COL25A1: variants seen among roughly 807,000 people sequenced by gnomAD.
COL25A1 encodes the protein collagen type XXV alpha 1 chain.
COL25A1 carries 103 observed loss-of-function variants against 128.4 expected under a neutral mutation model. The ratio of observed to expected loss-of-function variants is 0.80; its 90% confidence interval spans 0.68 to 0.94. COL25A1 has a LOEUF of 0.94. Among genes scored for constraint, COL25A1 ranks in the 40% least tolerant of loss-of-function variants. The pLI is 0.00. For synonymous variants in COL25A1, 279 were observed against 277.2 expected, an observed-to-expected ratio of 1.01 and a Z score of -0.06; for missense variants, 745 against 840.0, an observed-to-expected ratio of 0.89 and a Z score of 1.40.
At chr4:109,114,662 C>A (rs1767353787) in intron 3 of COL25A1, among the ~76,000 whole-genome samples, 1 of 152,014 alleles carries the variant, frequency 6.6e-6, no homozygotes, top group Non-Finnish European at 1.5e-5. Context: ...CCAAGAATAT[C>A]AACGTGACAT....
In COL25A1 at chr4:109,246,016, C is replaced by CAAAAAAA. The variant is rs772260651; in HGVS notation, c.367+54560_367+54566dup. Among the ~76,000 whole-genome samples, 579 of 65,400 alleles carry CAAAAAAA rather than the reference C, an allele frequency of 8.9e-3. 5 individuals carry two copies. The highest frequency in any genetic ancestry group is 0.027 in the African/African-American group (531 of 19,862). 42.9% of individuals were successfully genotyped at this position (65,400 alleles called of 152,430 possible). ...CTCTAGTTGCTTTTTTGTTAAAAAGCAAAAAAAAAAAAAAAAAAAATTTAA... is the reference window on the plus strand; with the variant it reads ...CTCTAGTTGCTTTTTTGTTAAAAAGCAAAAAAAAAAAAAAAAAAAAAAAAAAATTTAA... On this transcript the variant is annotated intron_variant, in intron 3 of 37. Transcript: ENST00000399132.
chr4:109,120,973 C>T (rs1318712937), intron 3 of COL25A1, among the ~76,000 whole-genome samples: 3 of 152,074 alleles, frequency 2.0e-5, no homozygotes. Context: ...AATGGAGAGA[C>T]ATTCCATATT....
At chr4:109,164,566 C>T (rs1560796618) in intron 3 of COL25A1, among the ~76,000 whole-genome samples, 1 of 152,116 alleles carries the variant, frequency 6.6e-6, no homozygotes, top group Non-Finnish European at 1.5e-5. Context: ...GTTACTCCAA[C>T]TAGTGCAAGT....
intron 11 of COL25A1, among the ~76,000 whole-genome samples, chr4:108,934,544 A>G (rs917924590): frequency 7.9e-5 from 12 of 152,200 alleles, no homozygotes; most frequent in Non-Finnish European, 1.5e-5. Flanking sequence ...TTGCAGTTAT[A>G]TTTCTAGTAT....
At chr4:109,022,965 T>C (rs1757906889) in intron 5 of COL25A1, among the ~76,000 whole-genome samples, 1 of 152,132 alleles carries the variant, frequency 6.6e-6, no homozygotes, top group Admixed American at 6.5e-5. Flanking sequence ...CCCAAGAGCA[T>C]TCAAGAATGT....
chr4:108,899,260 T>C (rs1742538033), intron 14 of COL25A1, 80 bp from the exon 15 acceptor site: 5 of 1,280,802 alleles, frequency 3.9e-6, no homozygotes, highest in East Asian at 5.0e-5. Context: ...AAAACAGATA[T>C]TGAACTTACT....
At position 108,918,188 on chromosome 4, in the gene COL25A1, C is replaced by G; in HGVS notation, c.764G>C (p.Gly255Ala). The G allele has an allele frequency of 6.3e-7, 1 of 1,597,104 alleles. No individual in the cohort carries two copies. Among genetic ancestry groups the G allele is most frequent in the Non-Finnish European group, 8.5e-7 (1 of 1,169,836 alleles). ...KGSIGAPGIP[G>A]MNGQKGEPGL... ...AGAACTCACCTTTTGCCCATTCATC[C>G]CTGGAATTCCAGGTGCTCCAATAGA... Residue 255 changes from glycine (G) to alanine (A), a missense_variant, in exon 13 of 38, where the codon GGG (glycine) becomes GCG (alanine). Physicochemically the swap from Gly to Ala is moderately conservative, Grantham distance 60. This residue lies in a region of COL25A1 where 39 missense variants were observed against 73.3 expected (regional missense o/e 0.53). Transcript: ENST00000399132.
chr4:108,942,285 G>A, intron 8 of COL25A1: 6 of 1,549,492 alleles, frequency 3.9e-6, no homozygotes, highest in Non-Finnish European at 5.2e-6. Flanking sequence ...ACATAGCACA[G>A]CACCAAAACA....
At chr4:108,854,386 A>C (rs1157944848) in intron 24 of COL25A1, among the ~76,000 whole-genome samples, 1 of 152,314 alleles carries the variant, frequency 6.6e-6, no homozygotes, top group East Asian at 1.9e-4. Context: ...ATTAAACTCA[A>C]GAGCTTCTGA....
At chr4:108,912,396 A>G (rs915854234) in intron 13 of COL25A1, among the ~76,000 whole-genome samples, 1 of 152,176 alleles carries the variant, frequency 6.6e-6, no homozygotes, top group African/African-American at 2.4e-5. Flanking sequence ...CTTTTAACAC[A>G]AAAAAGATTG....
intron 5 of COL25A1, among the ~76,000 whole-genome samples, chr4:109,030,853 A>G (rs986405609): frequency 2.6e-5 from 4 of 151,460 alleles, no homozygotes; most frequent in African/African-American, 9.7e-5. Flanking sequence ...CCTTGGCTCA[A>G]GCGATCCTCC....
intron 3 of COL25A1, among the ~76,000 whole-genome samples, chr4:109,215,841 G>T (rs969233708): frequency 6.6e-6 from 1 of 152,070 alleles, no homozygotes; most frequent in Non-Finnish European, 1.5e-5. Context: ...TCCTCAAAGC[G>T]ATCTTTTCTA....
At chr4:108,879,010 A>G (rs1478974418) in intron 19 of COL25A1, among the ~76,000 whole-genome samples, 9 of 152,194 alleles carry the variant, frequency 5.9e-5, no homozygotes, top group Admixed American at 3.3e-4. Flanking sequence ...TTTCTCTGCT[A>G]TTTTTAAAAT....
intron 19 of COL25A1, among the ~76,000 whole-genome samples, chr4:108,869,715 C>A (rs1457983776): frequency 1.3e-5 from 2 of 151,966 alleles, no homozygotes; most frequent in Non-Finnish European, 2.9e-5. Context: ...GTTTTATTTT[C>A]TTTTTTTAAC....
At chr4:108,867,799 A>G (rs186827279) in intron 20 of COL25A1, among the ~76,000 whole-genome samples, 17 of 152,290 alleles carry the variant, frequency 1.1e-4, no homozygotes, top group Admixed American at 1.0e-3. Context: ...TCATGAGTAA[A>G]GTTCCATCAT....
intron 3 of COL25A1, among the ~76,000 whole-genome samples, chr4:109,114,354 C>T (rs1040601418): frequency 1.3e-5 from 2 of 152,068 alleles, no homozygotes; most frequent in Non-Finnish European, 2.9e-5. Context: ...CAACTGTATA[C>T]TTGCAAAGAC....
At chr4:108,976,708 G>A (rs1481984955) in intron 6 of COL25A1, among the ~76,000 whole-genome samples, 1 of 152,164 alleles carries the variant, frequency 6.6e-6, no homozygotes, top group Non-Finnish European at 1.5e-5. Context: ...CACTGCAGGT[G>A]GGAACGTAGC....
chr4:108,975,421 A>C (rs1752345020), intron 6 of COL25A1, among the ~76,000 whole-genome samples: 3 of 152,218 alleles, frequency 2.0e-5, no homozygotes. Flanking sequence ...GTGCCACTGC[A>C]CTCCAGCCTG....
intron 3 of COL25A1, among the ~76,000 whole-genome samples, chr4:109,158,941 G>A (rs1345358377): frequency 3.3e-5 from 5 of 151,944 alleles, no homozygotes; most frequent in Non-Finnish European, 7.4e-5. Flanking sequence ...GATTAATAAA[G>A]GCTTTGCCTG....
Sources: allele counts gnomAD v4.1 joint callset (sites outside exome capture counted in the v4.1 genomes callset), GRCh38; gene constraint gnomAD v4.1.1; regional missense constraint gnomAD v4.1.1; transcripts MANE v1.5; gene names NCBI Gene and HGNC (gene_info 2026-07-23, HGNC 2026-07-21).